Variants in RP1L1 observed in about 807,000 individuals in gnomAD.
The protein encoded by RP1L1 is RP1 like 1.
Under a neutral mutation model 15.7 loss-of-function variants are expected in RP1L1, and 27 were observed. The observed-to-expected ratio is 1.72, with a 90% CI of 1.27 to 2.38. The LOEUF (loss-of-function observed/expected upper bound fraction) is 2.38, where lower values mean the gene tolerates loss of function less well. Among genes scored for constraint, RP1L1 ranks in the 30% most tolerant of loss-of-function variants. The pLI is 0.00. For synonymous variants in RP1L1, 1,813 were observed against 1,276.7 expected (o/e 1.42, Z -8.96); for missense variants, 4,798 against 3,075.9 (o/e 1.56, Z -13.24).
Position 10,609,145 on chromosome 8 carries a change from C to G in RP1L1, c.4953G>C (p.Ala1651=), listed in dbSNP as rs79563676. ...CGCAGGGACAGAACTCCTCCCCCTC[C>G]GCCTCCTCGCCCAGCTGGCTCCCCA... ...TALGSQLGEE[A]EGEEFCPCEA... Residue 1651 remains alanine, a synonymous_variant, in exon 4 of 4, where the codon GCG becomes GCC. Coordinates refer to ENST00000382483, the MANE Select transcript of RP1L1 (RefSeq NM_178857.6). The G allele has an allele frequency of 6.2e-7, 1 of 1,613,482 alleles. No homozygotes were observed. The highest frequency in any genetic ancestry group is 1.1e-5 in the South Asian group (1 of 91,072).
At chr8:10,647,294 T>C (rs745871233) in intron 1 of RP1L1, among the ~76,000 whole-genome samples, 5 of 152,230 alleles carry the variant, frequency 3.3e-5, no homozygotes, top group Non-Finnish European at 7.3e-5. Flanking sequence ...GAGCCTGCTA[T>C]GGTTGTCGCT....
In RP1L1 at chr8:10,610,097, T is replaced by A. The variant is rs769132132; in HGVS notation, c.4001A>T (p.Glu1334Val). The A allele has an allele frequency of 2.3e-5, 34 of 1,477,728 alleles. 1 individual carries two copies. The highest frequency in any genetic ancestry group is 4.0e-5 in the Admixed American group (2 of 49,938). 91.5% of individuals were successfully genotyped at this position (1,477,728 alleles called of 1,614,324 possible). ...ETKTEEGLQEEGVQLEETKET... is the reference protein window; with the variant it reads ...ETKTEEGLQEVGVQLEETKET... The stretch of plus-strand genomic sequence containing the variant: ...TTTAGTTTCCTCTAACTGCACCCCC[T>A]CTTCTTGCAGCCCTTCTTCTGTTTT... The change falls in exon 4 of 4, where the codon GAG becomes GTG. Residue 1334 changes from glutamate to valine, a missense_variant. Physicochemically the swap from Glu to Val is moderately radical, Grantham distance 121. Coordinates refer to ENST00000382483, the MANE Select transcript of RP1L1 (RefSeq NM_178857.6).
chr8:10,607,908 C>A lies in RP1L1; in HGVS notation c.6190G>T (p.Ala2064Ser). 6.3e-7 allele frequency: 1 copy of A among 1,598,264 alleles called. No individual in the cohort carries two copies. Among genetic ancestry groups the A allele is most frequent in the Non-Finnish European group, 8.5e-7 (1 of 1,170,066 alleles). ...GVEAPEAEEE[A>S]QEAEGEVQEA... ...TGGACCTCCCCTTCAGCCTCCTGTG[C>A]CTCCTCTTCTGCCTCCGGGGCCTCT... Residue 2064 changes from alanine (A) to serine (S), a missense_variant, in exon 4 of 4, where the codon GCA (alanine) becomes TCA (serine). Transcript: ENST00000382483.
chr8:10,608,465 T>G lies in RP1L1; in HGVS notation c.5633A>C (p.Glu1878Ala), dbSNP rs1365699897. The G allele has an allele frequency of 1.9e-6, 3 of 1,600,112 alleles. No homozygotes were observed. In the East Asian group the frequency reaches 6.8e-5, roughly 36 times the overall value. The change falls in exon 4 of 4, where the codon GAG (glutamate) becomes GCG (alanine). Residue 1878 changes from glutamate to alanine, a missense_variant. Physicochemically the swap from Glu to Ala is moderately radical, Grantham distance 107. Coordinates refer to ENST00000382483, the MANE Select transcript of RP1L1 (RefSeq NM_178857.6). ...CTCTGGCTGGGCCTCTCCTTCTGCC[T>G]CTGGGGCCTCTACATCTTCTGACTC... Reference protein sequence around the residue: ...QPESEDVEAPEAEGEAQPESE... With the variant: ...QPESEDVEAPAAEGEAQPESE...
intron 1 of RP1L1, among the ~76,000 whole-genome samples, chr8:10,637,649 A>G (rs1798349347): frequency 6.6e-6 from 1 of 152,242 alleles, no homozygotes; most frequent in Non-Finnish European, 1.5e-5. Flanking sequence ...TACTTGATAT[A>G]TGCTGGACAC....
chr8:10,626,738 G>A (rs192453610), intron 1 of RP1L1, among the ~76,000 whole-genome samples: 2 of 152,336 alleles, frequency 1.3e-5, no homozygotes, highest in East Asian at 1.9e-4. Context: ...CCAAATCTGT[G>A]TGTATCAAAG....
rs531567616 is a variant in RP1L1, at chr8:10,607,467, C to A, written c.6631G>T (p.Gly2211Cys). Residue 2211 changes from glycine (G) to cysteine (C), a missense_variant, in exon 4 of 4, where the codon GGT (glycine) becomes TGT (cysteine). Coordinates refer to ENST00000382483, the MANE Select transcript of RP1L1 (RefSeq NM_178857.6). ...TCTTCAGCCTCCGGGGCCTCTACACCTTCTAACTCTGGTTGGGCCTCCCCT... is the reference window on the plus strand; with the variant it reads ...TCTTCAGCCTCCGGGGCCTCTACACATTCTAACTCTGGTTGGGCCTCCCCT... ...AEGEAQPELE[G>C]VEAPEAEEEA... 6.2e-7 allele frequency: 1 copy of A among 1,611,514 alleles called. No individual in the cohort carries two copies. The highest frequency in any genetic ancestry group is 1.1e-5 in the South Asian group (1 of 90,798).
chr8:10,609,678 C>A lies in RP1L1; in HGVS notation c.4420G>T (p.Glu1474Ter), dbSNP rs750041176. The change falls in exon 4 of 4, where the codon GAG becomes TAG. Residue 1474 changes from glutamate (E) to a stop codon, truncating the protein, a stop_gained. Coordinates refer to ENST00000382483, the MANE Select transcript of RP1L1 (RefSeq NM_178857.6). LOFTEE classifies it low-confidence loss of function (END_TRUNC). Reference sequence around the variant, plus strand: ...CCGGGCGGCTTTTCCAAACCAGGCTCAAGCTGGGAGCCACTCTGCCTCTCG... The same window carrying A: ...CCGGGCGGCTTTTCCAAACCAGGCTAAAGCTGGGAGCCACTCTGCCTCTCG... The part of the protein sequence containing the change: ...ASERQSGSQL[E>*]PGLEKPPGAT... 1 of 1,612,528 alleles carries A rather than the reference C, an allele frequency of 6.2e-7. No individual in the cohort carries two copies. The highest frequency in any genetic ancestry group is 2.2e-5 in the East Asian group (1 of 44,868).
At chr8:10,616,394 T>G (rs975061050) in intron 3 of RP1L1, 52 bp downstream of exon 3, 4 of 1,612,760 alleles carry the variant, frequency 2.5e-6, no homozygotes, top group Non-Finnish European at 3.4e-6. Flanking sequence ...TCAGCCCTAC[T>G]GAACCACCAT....
At position 10,608,940 on chromosome 8, in the gene RP1L1, T is replaced by C. The variant is rs1040369095; in HGVS notation, c.5158A>G (p.Thr1720Ala). The C allele has an allele frequency of 1.2e-6, 2 of 1,613,892 alleles. No individual in the cohort carries two copies. Among genetic ancestry groups the C allele is most frequent in the Admixed American group, 1.7e-5 (1 of 59,998 alleles). ...PGKTHTDPTS[T>A]RTVQGAEGGL... ...CCCTCAGCTCCCTGGACAGTCCTAGTGCTCGTGGGGTCCGTGTGGGTCTTG... is the reference window on the plus strand; with the variant it reads ...CCCTCAGCTCCCTGGACAGTCCTAGCGCTCGTGGGGTCCGTGTGGGTCTTG... Residue 1720 changes from threonine to alanine, a missense_variant, in exon 4 of 4, where the codon ACT becomes GCT. Coordinates refer to ENST00000382483, the MANE Select transcript of RP1L1 (RefSeq NM_178857.6).
At chr8:10,646,115 G>A (rs149671220) in intron 1 of RP1L1, among the ~76,000 whole-genome samples, 10 of 152,322 alleles carry the variant, frequency 6.6e-5, no homozygotes, top group African/African-American at 2.4e-4. Flanking sequence ...GGCTGCACTG[G>A]GAAGGGCAGA....
In RP1L1 at chr8:10,606,747, G is replaced by T; in HGVS notation, c.*148C>A. 1 of 1,326,610 alleles carries T rather than the reference G, an allele frequency of 7.5e-7. No homozygotes were observed. Among genetic ancestry groups the T allele is most frequent in the Non-Finnish European group, 1.0e-6 (1 of 974,246 alleles). 82.2% of individuals were successfully genotyped at this position (1,326,610 alleles called of 1,614,324 possible). On this transcript the variant is annotated 3_prime_UTR_variant, in exon 4 of 4. Transcript: ENST00000382483. ...GGACTTAAGAGTCCCAGGACAGCAT[G>T]GCATGGGCTGTGTCCTTGGCAAGTC...
At chr8:10,653,309 C>G (rs1798589416) in intron 1 of RP1L1, among the ~76,000 whole-genome samples, 1 of 152,122 alleles carries the variant, frequency 6.6e-6, no homozygotes, top group South Asian at 2.1e-4. Flanking sequence ...CTGGAAAGAA[C>G]CGAAGGCTTG....
chr8:10,619,531 A>G (rs1166147942), intron 2 of RP1L1, among the ~76,000 whole-genome samples: 3 of 152,268 alleles, frequency 2.0e-5, no homozygotes, highest in African/African-American at 7.2e-5. Flanking sequence ...TTGGTTTGTG[A>G]CATTCTGGGA....
chr8:10,622,442 T>C, intron 2 of RP1L1, 151 bp downstream of exon 2: 2 of 994,828 alleles, frequency 2.0e-6, no homozygotes, highest in South Asian at 1.3e-5. Context: ...ATTTATTGAC[T>C]TGACTGAGTG....
chr8:10,643,401 G>A (rs1798434340), intron 1 of RP1L1, among the ~76,000 whole-genome samples: 2 of 152,124 alleles, frequency 1.3e-5, no homozygotes, highest in African/African-American at 4.8e-5. Context: ...AGGCTGAGAC[G>A]TACCTGGTAC....
At chr8:10,631,426 T>C (rs1468497261) in intron 1 of RP1L1, among the ~76,000 whole-genome samples, 1 of 135,850 alleles carries the variant, frequency 7.4e-6, no homozygotes, top group Non-Finnish European at 1.6e-5. Flanking sequence ...CACACACACA[T>C]GCGCGCACAC....
rs754911800 is a variant in RP1L1 at position 10,609,568 on chromosome 8, C to T, written c.4530G>A (p.Ala1510=). The T allele has an allele frequency of 2.6e-5, 41 of 1,603,414 alleles. No individual in the cohort carries two copies. Among genetic ancestry groups the T allele is most frequent in the Middle Eastern group, 1.6e-4 (1 of 6,064 alleles). ...AERSSSVACS[A]ALDCDPIWVS... Reference sequence around the variant, plus strand: ...CCCAGATGGGGTCGCAGTCCAGAGCCGCGCTGCAGGCCACCGAAGAGCTCC... The same window carrying T: ...CCCAGATGGGGTCGCAGTCCAGAGCTGCGCTGCAGGCCACCGAAGAGCTCC... The change falls in exon 4 of 4, where the codon GCG becomes GCA. Residue 1510 remains alanine, a synonymous_variant. Coordinates refer to ENST00000382483, the MANE Select transcript of RP1L1 (RefSeq NM_178857.6).
At chr8:10,620,475 G>A (rs1322064527) in intron 2 of RP1L1, among the ~76,000 whole-genome samples, 1 of 152,186 alleles carries the variant, frequency 6.6e-6, no homozygotes, top group Non-Finnish European at 1.5e-5. Context: ...GCATAGTGGT[G>A]AATGCCTGTA....
Sources: allele counts gnomAD v4.1 joint callset (sites outside exome capture counted in the v4.1 genomes callset), GRCh38; gene constraint gnomAD v4.1.1; transcripts MANE v1.5; gene names NCBI Gene and HGNC (gene_info 2026-07-23, HGNC 2026-07-21).